SP3: variants seen among roughly 807,000 people sequenced by gnomAD.
The protein encoded by SP3 is transcription factor Sp3.
SP3 carries 10 observed loss-of-function variants against 70.3 expected under a neutral mutation model. The observed-to-expected ratio is 0.14, with a 90% CI of 0.09 to 0.24. The LOEUF (loss-of-function observed/expected upper bound fraction) is 0.24. Ranked by LOEUF, SP3 falls within the 10% of genes least tolerant of loss-of-function variation. The pLI, the probability that SP3 is intolerant of heterozygous loss-of-function variation, is 1.00. For synonymous variants in SP3, 402 were observed against 333.5 expected, an observed-to-expected ratio of 1.21 and a Z score of -2.24; for missense variants, 825 against 914.6, an observed-to-expected ratio of 0.90 and a Z score of 1.26.
At position 173,913,370 on chromosome 2, in the gene SP3, TATC is replaced by T. The variant is rs569576676; in HGVS notation, c.1833-107_1833-105del. The T allele has an allele frequency of 2.3e-5, 20 of 868,966 alleles. No individual in the cohort carries two copies. In the South Asian group the frequency reaches 7.1e-4, roughly 31 times the overall value. The allele number at this position is 868,966 out of a possible 1,614,324, so 53.8% of individuals were successfully genotyped here. On this transcript the variant is annotated intron_variant, in intron 5 of 6. Coordinates refer to ENST00000310015, the MANE Select transcript of SP3 (RefSeq NM_003111.5). ...ATGTTGAATTTTAAATAGAAGACAT[TATC>T]ATTACAAAGTCAATCAGAAACCAAA...
At chr2:173,918,047 G>A (rs969558208) in intron 5 of SP3, among the ~76,000 whole-genome samples, 3 of 149,428 alleles carry the variant, frequency 2.0e-5, no homozygotes, top group Admixed American at 1.3e-4. Flanking sequence ...ATTAAGCTTA[G>A]TACATCCATA....
chr2:173,929,265 T>C (rs1402035469), intron 4 of SP3, among the ~76,000 whole-genome samples: 1 of 152,220 alleles, frequency 6.6e-6, no homozygotes, highest in Non-Finnish European at 1.5e-5. Flanking sequence ...ATGATTATTT[T>C]ATGAAGAATC....
chr2:173,904,930 CT>C lies in SP3; in HGVS notation c.*5010del, dbSNP rs1689273943. On this transcript the variant is annotated 3_prime_UTR_variant, in exon 7 of 7. Coordinates refer to ENST00000310015, the MANE Select transcript of SP3 (RefSeq NM_003111.5). ...TCTTAAAAACCACTTCAGTGCTAGA[CT>C]TTATCTTTCAGTCGCAATGAACCTG... Among the ~76,000 whole-genome samples, 1 of 152,178 alleles carries C rather than the reference CT, an allele frequency of 6.6e-6. No individual in the cohort carries two copies. Among genetic ancestry groups the C allele is most frequent in the Non-Finnish European group, 1.5e-5 (1 of 68,034 alleles).
At chr2:173,941,123 C>T (rs967595168) in intron 4 of SP3, among the ~76,000 whole-genome samples, 1 of 129,470 alleles carries the variant, frequency 7.7e-6, no homozygotes, top group Non-Finnish European at 1.6e-5. Flanking sequence ...GCTCACAACA[C>T]GAGTAAAAAA....
chr2:173,957,378 T>C (rs1690929459), intron 3 of SP3, among the ~76,000 whole-genome samples: 1 of 151,998 alleles, frequency 6.6e-6, no homozygotes, highest in Admixed American at 6.6e-5. Flanking sequence ...CAAAACACTC[T>C]GTGGAAGACA....
intron 4 of SP3, among the ~76,000 whole-genome samples, chr2:173,943,943 T>C (rs191431953): frequency 4.6e-5 from 7 of 152,342 alleles, no homozygotes; most frequent in East Asian, 3.9e-4. Flanking sequence ...AGAACCTGTA[T>C]AGCAAGTTAC....
intron 4 of SP3, among the ~76,000 whole-genome samples, chr2:173,953,401 G>A (rs1175870461): frequency 6.6e-6 from 1 of 152,154 alleles, no homozygotes; most frequent in African/African-American, 2.4e-5. Context: ...TCTAGGCCAG[G>A]AGCAGAGCGG....
intron 4 of SP3, among the ~76,000 whole-genome samples, chr2:173,925,580 A>AT (rs1042683291): frequency 1.1e-4 from 17 of 152,160 alleles, no homozygotes; most frequent in Admixed American, 4.6e-4. Context: ...GTTTTTTACA[A>AT]TTTTTTTAAA....
intron 4 of SP3, among the ~76,000 whole-genome samples, chr2:173,939,763 T>TAAAAAAAAAA (rs1690308402): frequency 4.2e-4 from 2 of 4,770 alleles, no homozygotes; most frequent in Non-Finnish European, 9.3e-4. Flanking sequence ...AGACTCCAAC[T>TAAAAAAAAAA]CAAAAAAAAA....
chr2:173,925,954 C>T lies in SP3; in HGVS notation c.1640-7169G>A, dbSNP rs73972410. Among the ~76,000 whole-genome samples, 994 of 152,322 alleles carry T rather than the reference C, an allele frequency of 6.5e-3. 9 individuals carry two copies. The highest frequency in any genetic ancestry group is 0.023 in the African/African-American group (943 of 41,572). Reference sequence around the variant, plus strand: ...CAGGAAAGTGATCTGCTATAAGCAGCTGTAACTCACAACTCTCAAATCAAA... The same window carrying T: ...CAGGAAAGTGATCTGCTATAAGCAGTTGTAACTCACAACTCTCAAATCAAA... On this transcript the variant is annotated intron_variant, in intron 4 of 6. Coordinates refer to ENST00000310015, the MANE Select transcript of SP3 (RefSeq NM_003111.5).
At chr2:173,943,480 C>T (rs557999141) in intron 4 of SP3, among the ~76,000 whole-genome samples, 15 of 152,206 alleles carry the variant, frequency 9.9e-5, no homozygotes, top group African/African-American at 3.1e-4. Context: ...TTCCATAACT[C>T]TGCTTTACTT....
At chr2:173,950,538 G>A (rs1303342988) in intron 4 of SP3, among the ~76,000 whole-genome samples, 1 of 151,734 alleles carries the variant, frequency 6.6e-6, no homozygotes, top group African/African-American at 2.4e-5. Flanking sequence ...ACTTAGCTGG[G>A]CATGGTGGCG....
intron 4 of SP3, among the ~76,000 whole-genome samples, chr2:173,928,175 G>A (rs567320119): frequency 5.9e-5 from 9 of 152,096 alleles, no homozygotes; most frequent in African/African-American, 2.2e-4. Context: ...AATAAATTAG[G>A]ACTAAAGAAA....
intron 4 of SP3, among the ~76,000 whole-genome samples, chr2:173,952,734 G>A (rs140767030): frequency 3.2e-4 from 49 of 152,248 alleles, no homozygotes; most frequent in Non-Finnish European, 6.2e-4. Context: ...AAGAAATGAG[G>A]TAATGACACA....
At chr2:173,944,232 C>T (rs72911197) in intron 4 of SP3, among the ~76,000 whole-genome samples, 6,594 of 152,220 alleles carry the variant, frequency 0.043, 176 homozygotes, top group Middle Eastern at 0.078. Flanking sequence ...TGTTAAGTAC[C>T]TTCATAAAAT....
intron 4 of SP3, among the ~76,000 whole-genome samples, chr2:173,934,580 G>T (rs1479655761): frequency 6.6e-6 from 1 of 152,008 alleles, no homozygotes; most frequent in Non-Finnish European, 1.5e-5. Context: ...TATTAACACT[G>T]TAACAAAAAA....
intron 4 of SP3, among the ~76,000 whole-genome samples, chr2:173,949,833 C>T (rs995839862): frequency 6.6e-6 from 1 of 152,154 alleles, no homozygotes; most frequent in Admixed American, 6.5e-5. Flanking sequence ...ACTTCAAACA[C>T]CTGACTCCAT....
intron 1 of SP3, 46 bp downstream of exon 1, chr2:173,965,119 C>T (rs375539494): frequency 7.2e-6 from 11 of 1,527,832 alleles, no homozygotes; most frequent in African/African-American, 4.2e-5. Context: ...TCGGCGGCAG[C>T]GGCGGCGGCG....
Position 173,963,781 on chromosome 2 carries a change from C to G in SP3, c.259G>C (p.Ala87Pro), listed in dbSNP as rs1450555104. The change falls in exon 3 of 7, where the codon GCC becomes CCC. Residue 87 changes from alanine (A) to proline (P), a missense_variant. Around this residue, in one of 4 missense-constraint regions of SP3, gnomAD observed 678 missense variants for 651.6 expected, o/e 1.04. Transcript: ENST00000310015. Reference sequence around the variant, plus strand: ...CTTACCGCTCCGGCGGCGGCGGGGGCCCCGGCTGCGGCGGCCGCCTCCTCC... The same window carrying G: ...CTTACCGCTCCGGCGGCGGCGGGGGGCCCGGCTGCGGCGGCCGCCTCCTCC... Reference protein sequence around the residue: ...DEEEAAAAAGAPAAAGATGDL... With the variant: ...DEEEAAAAAGPPAAAGATGDL... 2 of 1,366,554 alleles carry G rather than the reference C, an allele frequency of 1.5e-6. No homozygotes were observed. The highest frequency in any genetic ancestry group is 5.7e-4 in the Middle Eastern group (2 of 3,522). 84.7% of individuals were successfully genotyped at this position (1,366,554 alleles called of 1,614,324 possible). A position where few individuals can be genotyped will look rare whatever the true frequency, so the allele number is the denominator to read the frequency against.
Sources: gnomAD v4.1 joint callset for allele counts (sites outside exome capture counted in the v4.1 genomes callset) on GRCh38, gnomAD v4.1.1 for gene constraint, gnomAD v4.1.1 regional missense constraint, MANE v1.5 for transcripts, NCBI Gene and HGNC (gene_info 2026-07-23, HGNC 2026-07-21) for gene names.